Variants in GMDS observed in about 807,000 individuals in gnomAD.
GMDS encodes GDP-mannose 4,6-dehydratase.
In GMDS, 20 loss-of-function variants were observed where a neutral mutation model predicts 49.9. The observed-to-expected ratio is 0.40, with a 90% CI of 0.28 to 0.58. The LOEUF (loss-of-function observed/expected upper bound fraction) is 0.58. Among genes scored for constraint, GMDS ranks in the 20% least tolerant of loss-of-function variants. GMDS has a pLI of 0.42. For synonymous variants in GMDS, 177 were observed against 178.6 expected, an observed-to-expected ratio of 0.99 and a Z score of 0.07; for missense variants, 362 against 481.4, an observed-to-expected ratio of 0.75 and a Z score of 2.32.
intron 1 of GMDS, among the ~76,000 whole-genome samples, chr6:2,129,302 G>A (rs778487511): frequency 2.0e-4 from 31 of 152,054 alleles, no homozygotes; most frequent in Non-Finnish European, 3.8e-4. Context: ...ATGTACGAGG[G>A]CAAGCCATCC....
At chr6:2,065,587 G>C (rs187009556) in intron 4 of GMDS, among the ~76,000 whole-genome samples, 2,447 of 152,274 alleles carry the variant, frequency 0.016, 64 homozygotes, top group African/African-American at 0.054. Flanking sequence ...GGAGCTGATG[G>C]AGCTGAAAAC....
intron 4 of GMDS, among the ~76,000 whole-genome samples, chr6:1,964,113 G>A (rs1031535612): frequency 1.3e-4 from 20 of 152,176 alleles, no homozygotes; most frequent in South Asian, 4.1e-4. Context: ...AATTGCCTAC[G>A]CTTTCCAGAG....
At chr6:2,136,951 G>GA (rs1352534079) in intron 1 of GMDS, among the ~76,000 whole-genome samples, 2 of 150,458 alleles carry the variant, frequency 1.3e-5, no homozygotes, top group African/African-American at 4.9e-5. Context: ...TGACTTTGAA[G>GA]TATAAGCATA....
Position 1,981,135 on chromosome 6 carries a change from G to C in GMDS, c.346-20169C>G, listed in dbSNP as rs114330773. Among the ~76,000 whole-genome samples the C allele has an allele frequency of 4.7e-3, 709 of 151,544 alleles. 4 individuals are homozygous for C. The highest frequency in any genetic ancestry group is 0.017 in the African/African-American group (687 of 41,272). ...CCTAACATCAGAATTAATAGAACTA[G>C]AGAACCAAGAGCAAACAAACCCCAA... On this transcript the variant is annotated intron_variant, in intron 4 of 10. Transcript: ENST00000380815.
intron 4 of GMDS, among the ~76,000 whole-genome samples, chr6:2,038,360 G>C (rs573537508): frequency 1.3e-5 from 2 of 152,276 alleles, no homozygotes; most frequent in Non-Finnish European, 2.9e-5. Context: ...ACTGGTAAAA[G>C]CTGGAAAGAC....
At chr6:2,007,458 C>T (rs1767264220) in intron 4 of GMDS, among the ~76,000 whole-genome samples, 1 of 152,182 alleles carries the variant, frequency 6.6e-6, no homozygotes, top group Non-Finnish European at 1.5e-5. Flanking sequence ...TAAGCGTCTA[C>T]ACTTCCAGAG....
At chr6:1,916,230 G>A (rs1581356518) in intron 7 of GMDS, among the ~76,000 whole-genome samples, 1 of 152,098 alleles carries the variant, frequency 6.6e-6, no homozygotes, top group South Asian at 2.1e-4. Flanking sequence ...CTAGTTACAA[G>A]GTAGCACGCC....
chr6:1,845,481 C>T (rs919825662), intron 7 of GMDS, among the ~76,000 whole-genome samples: 18 of 152,162 alleles, frequency 1.2e-4, no homozygotes, highest in Non-Finnish European at 1.6e-4. Flanking sequence ...AACCACTTCA[C>T]GGCTTATAAA....
At chr6:2,220,945 C>T (rs1037973247) in intron 1 of GMDS, among the ~76,000 whole-genome samples, 7 of 152,102 alleles carry the variant, frequency 4.6e-5, no homozygotes, top group African/African-American at 1.7e-4. Flanking sequence ...GGGAGGCCAA[C>T]GTGGGAAGAT....
At chr6:1,794,058 T>A (rs956196525) in intron 7 of GMDS, among the ~76,000 whole-genome samples, 39 of 152,158 alleles carry the variant, frequency 2.6e-4, no homozygotes, top group Admixed American at 2.5e-3. Context: ...TGAATGATTA[T>A]CCCAGGAGGA....
intron 9 of GMDS, among the ~76,000 whole-genome samples, chr6:1,634,490 C>T (rs538614488): frequency 6.6e-6 from 1 of 152,312 alleles, no homozygotes; most frequent in East Asian, 1.9e-4. Flanking sequence ...TTACCATACT[C>T]TTGTGTGTAT....
intron 4 of GMDS, among the ~76,000 whole-genome samples, chr6:2,016,450 A>G (rs1295663527): frequency 6.6e-6 from 1 of 152,188 alleles, no homozygotes; most frequent in Non-Finnish European, 1.5e-5. Flanking sequence ...TACAAGATAT[A>G]TGACTCAAAA....
intron 9 of GMDS, among the ~76,000 whole-genome samples, chr6:1,627,002 C>A (rs1304880974): frequency 6.6e-6 from 1 of 152,248 alleles, no homozygotes; most frequent in Non-Finnish European, 1.5e-5. Flanking sequence ...CTTCCTTTAA[C>A]CTTCTGCCAA....
intron 4 of GMDS, among the ~76,000 whole-genome samples, chr6:2,010,177 A>T (rs142129881): frequency 0.048 from 7,235 of 152,098 alleles, 270 homozygotes; most frequent in Non-Finnish European, 0.069. Context: ...AAATACAAAA[A>T]TTAGCCAGGT....
intron 4 of GMDS, among the ~76,000 whole-genome samples, chr6:2,067,238 C>T (rs1301341414): frequency 6.6e-6 from 1 of 152,114 alleles, no homozygotes; most frequent in Non-Finnish European, 1.5e-5. Context: ...CACAACATAC[C>T]AGAATCTCTG....
chr6:1,820,760 T>C (rs748788475), intron 7 of GMDS, among the ~76,000 whole-genome samples: 4 of 152,220 alleles, frequency 2.6e-5, no homozygotes, highest in Admixed American at 6.5e-5. Context: ...GCACTATAGT[T>C]TACATAGTGC....
At chr6:1,695,923 CTTTTTTTTTT>C (rs71753891) in intron 9 of GMDS, among the ~76,000 whole-genome samples, 5 of 105,106 alleles carry the variant, frequency 4.8e-5, no homozygotes, top group Non-Finnish European at 9.9e-5. Flanking sequence ...TTTTTTTTTT[CTTTTTTTTTT>C]TTTTTAATTT....
intron 7 of GMDS, among the ~76,000 whole-genome samples, chr6:1,759,372 C>T (rs2113545355): frequency 6.6e-6 from 1 of 152,344 alleles, no homozygotes; most frequent in Non-Finnish European, 1.5e-5. Context: ...TGAAGTCATA[C>T]ACCTGCTAAG....
intron 7 of GMDS, among the ~76,000 whole-genome samples, chr6:1,916,922 T>C (rs1041764813): frequency 6.6e-6 from 1 of 152,042 alleles, no homozygotes; most frequent in Non-Finnish European, 1.5e-5. Context: ...TGAAACGACT[T>C]CTGTTAAACT....
Sources: allele counts gnomAD v4.1 joint callset (sites outside exome capture counted in the v4.1 genomes callset), GRCh38; gene constraint gnomAD v4.1.1; transcripts MANE v1.5; gene names NCBI Gene and HGNC (gene_info 2026-07-23, HGNC 2026-07-21).